VEPH1: variants seen among roughly 807,000 people sequenced by gnomAD.
VEPH1 encodes the protein ventricular zone expressed PH domain containing 1.
In VEPH1, 80 loss-of-function variants were observed where a neutral mutation model predicts 85.2. The ratio of observed to expected loss-of-function variants is 0.94; its 90% CI spans 0.78 to 1.13. VEPH1 has a LOEUF of 1.13. Ranked by LOEUF, VEPH1 falls within the 50% of genes most tolerant of loss-of-function variation. The pLI is 0.00. For synonymous variants in VEPH1, 297 were observed against 348.0 expected (o/e 0.85, Z 1.63); for missense variants, 955 against 980.5 (o/e 0.97, Z 0.35).
chr3:157,386,274 A>C (rs1292851392), intron 6 of VEPH1, among the ~76,000 whole-genome samples: 1 of 149,902 alleles, frequency 6.7e-6, no homozygotes, highest in Admixed American at 6.6e-5. Flanking sequence ...AAAAAAAAAA[A>C]GTGGTTAGTT....
chr3:157,469,881 G>C lies in VEPH1; in HGVS notation c.354+433C>G, dbSNP rs146688828. The stretch of plus-strand genomic sequence containing the variant: ...TCATGAAAAATTCTCAATACATATA[G>C]AAATATGTCTGAAATGACTTAGTCA... On this transcript the variant is annotated intron_variant, in intron 3 of 13. Coordinates refer to ENST00000362010, the MANE Select transcript of VEPH1 (RefSeq NM_001167912.2). Among the ~76,000 whole-genome samples the C allele has an allele frequency of 5.6e-3, 851 of 152,182 alleles. 2 individuals carry two copies. The highest frequency in any genetic ancestry group is 0.027 in the Middle Eastern group (8 of 292).
At chr3:157,332,567 G>A (rs1577360798) in intron 9 of VEPH1, among the ~76,000 whole-genome samples, 2 of 152,136 alleles carry the variant, frequency 1.3e-5, no homozygotes, top group African/African-American at 2.4e-5. Flanking sequence ...GCATGCATCA[G>A]TATTTCATTT....
intron 10 of VEPH1, 135 bp from the exon 11 acceptor site, chr3:157,313,890 A>G: frequency 8.7e-7 from 1 of 1,155,980 alleles, no homozygotes; most frequent in Non-Finnish European, 1.2e-6. Context: ...CAAGAAAAAG[A>G]TCTGTCTTAA....
intron 6 of VEPH1, among the ~76,000 whole-genome samples, chr3:157,403,673 A>G (rs910737468): frequency 6.6e-5 from 10 of 152,170 alleles, no homozygotes; most frequent in Admixed American, 6.5e-4. Context: ...GTAATGCATG[A>G]TATTTCCTGA....
intron 9 of VEPH1, among the ~76,000 whole-genome samples, chr3:157,345,032 T>C (rs1724044498): frequency 6.6e-6 from 1 of 152,204 alleles, no homozygotes; most frequent in African/African-American, 2.4e-5. Flanking sequence ...TAATTCAAGA[T>C]GGATTAAAGA....
chr3:157,492,949 G>A (rs1360922997), intron 2 of VEPH1, among the ~76,000 whole-genome samples: 2 of 152,006 alleles, frequency 1.3e-5, no homozygotes, highest in Non-Finnish European at 2.9e-5. Flanking sequence ...TTGGGGCACC[G>A]TCCTCATGAT....
intron 7 of VEPH1, among the ~76,000 whole-genome samples, chr3:157,376,712 C>A (rs190131003): frequency 2.0e-5 from 3 of 152,312 alleles, no homozygotes; most frequent in Admixed American, 1.3e-4. Context: ...TCATTTGGCA[C>A]AAGAAAGCCT....
intron 4 of VEPH1, among the ~76,000 whole-genome samples, chr3:157,440,277 T>C (rs867942799): frequency 2.6e-5 from 4 of 152,336 alleles, no homozygotes; most frequent in South Asian, 2.1e-4. Flanking sequence ...TGTTTTAGTA[T>C]TGTAGTTACT....
chr3:157,479,180 G>C (rs370576048), intron 2 of VEPH1, among the ~76,000 whole-genome samples: 1 of 152,206 alleles, frequency 6.6e-6, no homozygotes, highest in African/African-American at 2.4e-5. Flanking sequence ...GTTTATGTTT[G>C]GGCTCGACAT....
At chr3:157,262,566 A>G (rs1713055787) in intron 13 of VEPH1, among the ~76,000 whole-genome samples, 1 of 152,172 alleles carries the variant, frequency 6.6e-6, no homozygotes, top group Admixed American at 6.5e-5. Flanking sequence ...AACAATGTGA[A>G]CACTTCTATT....
intron 13 of VEPH1, among the ~76,000 whole-genome samples, chr3:157,264,796 G>C (rs1198523271): frequency 4.6e-5 from 7 of 152,116 alleles, no homozygotes; most frequent in Admixed American, 1.3e-4. Flanking sequence ...TTCTAAAATA[G>C]CCAAGAAGTA....
chr3:157,439,599 C>G (rs573226493), intron 4 of VEPH1, among the ~76,000 whole-genome samples: 1 of 152,268 alleles, frequency 6.6e-6, no homozygotes, highest in South Asian at 2.1e-4. Flanking sequence ...CGGTTCCAGT[C>G]CATGAACTTA....
At chr3:157,382,083 C>A (rs1029819726) in intron 6 of VEPH1, among the ~76,000 whole-genome samples, 1 of 152,146 alleles carries the variant, frequency 6.6e-6, no homozygotes, top group Non-Finnish European at 1.5e-5. Flanking sequence ...ATCTGTCTGT[C>A]GGGGTGATGG....
At chr3:157,297,380 C>A (rs184815368) in intron 11 of VEPH1, among the ~76,000 whole-genome samples, 1 of 151,946 alleles carries the variant, frequency 6.6e-6, no homozygotes, top group Admixed American at 6.6e-5. Context: ...AGATGTAATG[C>A]GACGTGGACA....
At chr3:157,388,987 G>A in intron 6 of VEPH1, among the ~76,000 whole-genome samples, 1 of 152,134 alleles carries the variant, frequency 6.6e-6, no homozygotes, top group Non-Finnish European at 1.5e-5. Flanking sequence ...GGAATAACAA[G>A]TAGCTATGTT....
chr3:157,373,037 A>C (rs1727687831), intron 7 of VEPH1, among the ~76,000 whole-genome samples: 1 of 152,208 alleles, frequency 6.6e-6, no homozygotes, highest in South Asian at 2.1e-4. Flanking sequence ...CTTTCTATGT[A>C]TAGTCTTCAC....
Position 157,404,542 on chromosome 3 carries a change from G to A in VEPH1, c.906+9339C>T, listed in dbSNP as rs1731014411. On this transcript the variant is annotated intron_variant, in intron 6 of 13. Transcript: ENST00000362010. ...ATTTGAAAACTTCAGGAAACCAATAGGGGAACAGAAGAGTGAGAAAGAGAA... is the reference window on the plus strand; with the variant it reads ...ATTTGAAAACTTCAGGAAACCAATAAGGGAACAGAAGAGTGAGAAAGAGAA... Among the ~76,000 whole-genome samples the A allele has an allele frequency of 2.6e-5, 4 of 152,260 alleles. 1 individual carries two copies. Among genetic ancestry groups the A allele is most frequent in the Non-Finnish European group, 2.9e-5 (2 of 67,994 alleles).
intron 5 of VEPH1, among the ~76,000 whole-genome samples, chr3:157,422,470 G>A (rs1167613480): frequency 2.0e-5 from 3 of 152,142 alleles, no homozygotes; most frequent in African/African-American, 7.2e-5. Context: ...CACTATTAGT[G>A]CCATTGTCTA....
At chr3:157,427,099 T>C (rs1732812050) in intron 5 of VEPH1, among the ~76,000 whole-genome samples, 1 of 152,108 alleles carries the variant, frequency 6.6e-6, no homozygotes. Flanking sequence ...GCGATTCTCC[T>C]GCCTCAGCCT....
Sources: allele counts gnomAD v4.1 joint callset (sites outside exome capture counted in the v4.1 genomes callset), GRCh38; gene constraint gnomAD v4.1.1; transcripts MANE v1.5; gene names NCBI Gene and HGNC (gene_info 2026-07-23, HGNC 2026-07-21).